MED13L: variants seen among roughly 807,000 people sequenced by gnomAD.
MED13L encodes mediator of RNA polymerase II transcription subunit 13-like.
A neutral mutation model predicts 220.9 loss-of-function variants in MED13L; 7 were observed. The ratio of observed to expected loss-of-function variants is 0.03; its 90% CI spans 0.02 to 0.06. The LOEUF (loss-of-function observed/expected upper bound fraction) is 0.06, where lower values mean the gene tolerates loss of function less well. Among genes scored for constraint, MED13L ranks in the 10% least tolerant of loss-of-function variants. The pLI is 1.00. For synonymous variants in MED13L, 1,011 were observed against 1,015.2 expected (o/e 1.00, Z 0.08); for missense variants, 1,965 against 2,760.5 (o/e 0.71, Z 6.46).
chr12:116,060,530 A>G (rs897234503), intron 4 of MED13L, among the ~76,000 whole-genome samples: 2 of 151,312 alleles, frequency 1.3e-5, no homozygotes, highest in Non-Finnish European at 2.9e-5. Context: ...GTGAGCCGAG[A>G]TCATGCCACT....
At chr12:116,072,009 ACATT>A (rs963831207) in intron 4 of MED13L, among the ~76,000 whole-genome samples, 11 of 152,244 alleles carry the variant, frequency 7.2e-5, no homozygotes, top group African/African-American at 2.7e-4. Context: ...ATTTTTATTC[ACATT>A]GGATGTTGCC....
intron 2 of MED13L, among the ~76,000 whole-genome samples, chr12:116,139,411 A>C (rs549367958): frequency 1.3e-5 from 2 of 152,316 alleles, no homozygotes; most frequent in Admixed American, 1.3e-4. Context: ...TTCTCTAGAG[A>C]AAATACTGCC....
At chr12:116,192,873 C>T (rs1177693640) in intron 2 of MED13L, among the ~76,000 whole-genome samples, 2 of 152,090 alleles carry the variant, frequency 1.3e-5, no homozygotes, top group African/African-American at 4.8e-5. Flanking sequence ...TGGCTCATGC[C>T]TGTAATCCCA....
rs756888182 is a variant in MED13L, at chr12:116,015,111, G to A, written c.1173C>T (p.Ser391=). 2 of 1,613,046 alleles carry A rather than the reference G, an allele frequency of 1.2e-6. No individual in the cohort carries two copies. Among genetic ancestry groups the A allele is most frequent in the South Asian group, 2.2e-5 (2 of 91,052 alleles). The change falls in exon 8 of 31, where the codon TCC becomes TCT. Residue 391 remains serine, a splice_region_variant and synonymous_variant. Coordinates refer to ENST00000281928, the MANE Select transcript of MED13L (RefSeq NM_015335.5). ...WKECILNRTQ[S]KRSQMSTPTL... ...TAGACATAATCGAGAAAACTTACTT[G>A]GACTGGGTTCTGTTGAGGATGCATT...
At chr12:115,976,981 T>C (rs771222081) in intron 23 of MED13L, among the ~76,000 whole-genome samples, 2 of 152,070 alleles carry the variant, frequency 1.3e-5, no homozygotes, top group East Asian at 1.9e-4. Context: ...GCCAACACAG[T>C]GAGACTCCCT....
At chr12:116,244,569 AGC>A (rs1383951800) in intron 1 of MED13L, among the ~76,000 whole-genome samples, 1 of 152,214 alleles carries the variant, frequency 6.6e-6, no homozygotes, top group Non-Finnish European at 1.5e-5. Context: ...GAATCCCCTC[AGC>A]CTCAGGAATT....
At chr12:116,145,599 G>A (rs184482353) in intron 2 of MED13L, among the ~76,000 whole-genome samples, 27 of 152,028 alleles carry the variant, frequency 1.8e-4, no homozygotes, top group Non-Finnish European at 5.9e-5. Flanking sequence ...GGGTGCAAGT[G>A]ATCCTCCCAC....
At chr12:116,272,084 G>A (rs1873413547) in intron 1 of MED13L, among the ~76,000 whole-genome samples, 1 of 152,022 alleles carries the variant, frequency 6.6e-6, no homozygotes, top group Non-Finnish European at 1.5e-5. Context: ...CAATTTTTCT[G>A]TTGTCTGTTT....
chr12:116,031,331 G>A (rs570252082), intron 4 of MED13L, among the ~76,000 whole-genome samples: 24 of 152,146 alleles, frequency 1.6e-4, no homozygotes, highest in Admixed American at 1.4e-3. Context: ...TGTAATCCAA[G>A]CACTTTGGGA....
At chr12:115,962,532 GTTCT>G (rs1875836615) in intron 30 of MED13L, 1 of 152,084 alleles carries the variant, frequency 6.6e-6, no homozygotes, top group Admixed American at 6.5e-5. Flanking sequence ...TGTTGATCAG[GTTCT>G]TTATTTTTAT....
chr12:116,061,491 G>A (rs939566311), intron 4 of MED13L, among the ~76,000 whole-genome samples: 2 of 151,942 alleles, frequency 1.3e-5, no homozygotes, highest in Non-Finnish European at 2.9e-5. Context: ...ATGCTACAAA[G>A]TAAGATAATA....
chr12:116,204,703 CCACT>C (rs1295602502), intron 2 of MED13L, among the ~76,000 whole-genome samples: 8 of 152,056 alleles, frequency 5.3e-5, no homozygotes, highest in African/African-American at 1.9e-4. Context: ...TTGTTCTGAC[CCACT>C]GTTTTCCCTA....
At chr12:116,258,114 T>G (rs1045784427) in intron 1 of MED13L, among the ~76,000 whole-genome samples, 1 of 152,216 alleles carries the variant, frequency 6.6e-6, no homozygotes, top group Non-Finnish European at 1.5e-5. Context: ...CCAATAATGT[T>G]TGGAATAGCT....
At chr12:116,257,499 T>C (rs1250269518) in intron 1 of MED13L, among the ~76,000 whole-genome samples, 1 of 152,214 alleles carries the variant, frequency 6.6e-6, no homozygotes, top group East Asian at 1.9e-4. Flanking sequence ...CCTTGATGAC[T>C]GGAGTCTGAA....
At chr12:116,044,403 G>GA (rs749889570) in intron 4 of MED13L, among the ~76,000 whole-genome samples, 1 of 152,166 alleles carries the variant, frequency 6.6e-6, no homozygotes, top group Non-Finnish European at 1.5e-5. Context: ...AAGCGCAAGT[G>GA]AATGTTAGCT....
intron 2 of MED13L, among the ~76,000 whole-genome samples, chr12:116,164,580 C>G (rs1315216253): frequency 6.6e-6 from 1 of 152,154 alleles, no homozygotes; most frequent in Non-Finnish European, 1.5e-5. Context: ...AGGCTTATCT[C>G]CCACACTTGG....
intron 1 of MED13L, among the ~76,000 whole-genome samples, chr12:116,269,731 T>C (rs906586587): frequency 2.6e-5 from 4 of 152,122 alleles, no homozygotes; most frequent in Admixed American, 2.0e-4. Flanking sequence ...TAGTACAAAA[T>C]GTAGAAAGCT....
intron 1 of MED13L, among the ~76,000 whole-genome samples, chr12:116,270,766 G>C (rs1225139347): frequency 6.6e-6 from 1 of 151,860 alleles, no homozygotes; most frequent in Non-Finnish European, 1.5e-5. Context: ...TTATCAGCCG[G>C]GCGCGGTGGC....
chr12:116,233,352 T>C (rs1869762249), intron 2 of MED13L, among the ~76,000 whole-genome samples: 1 of 152,186 alleles, frequency 6.6e-6, no homozygotes. Context: ...AATCACAATA[T>C]TATGGTTTCC....
Sources: allele counts gnomAD v4.1 joint callset (sites outside exome capture counted in the v4.1 genomes callset), GRCh38; gene constraint gnomAD v4.1.1; transcripts MANE v1.5; gene names NCBI Gene and HGNC (gene_info 2026-07-23, HGNC 2026-07-21).